The following PRKCA variants were observed in gnomAD, a reference collection of about 807,000 sequenced individuals.
PRKCA encodes the protein protein kinase C alpha type.
In PRKCA, 27 loss-of-function variants were observed where a neutral mutation model predicts 87.0. The ratio of observed to expected loss-of-function variants is 0.31; its 90% CI spans 0.23 to 0.43. PRKCA has a LOEUF of 0.43. Ranked by LOEUF, PRKCA falls within the 20% of genes least tolerant of loss-of-function variation. PRKCA has a pLI of 1.00. For synonymous variants in PRKCA, 329 were observed against 311.1 expected, an observed-to-expected ratio of 1.06 and a Z score of -0.61; for missense variants, 518 against 852.3, an observed-to-expected ratio of 0.61 and a Z score of 4.88.
At chr17:66,578,576 C>T (rs914844745) in intron 3 of PRKCA, among the ~76,000 whole-genome samples, 18 of 151,822 alleles carry the variant, frequency 1.2e-4, no homozygotes, top group Middle Eastern at 3.4e-3. Flanking sequence ...GTTTGGTTTG[C>T]ACAAACCACC....
intron 13 of PRKCA, among the ~76,000 whole-genome samples, chr17:66,756,971 G>C (rs1408788543): frequency 1.3e-5 from 2 of 152,102 alleles, no homozygotes; most frequent in Non-Finnish European, 2.9e-5. Context: ...CCATAACCAG[G>C]AATTTTTTTA....
At chr17:66,446,551 A>T (rs1441452667) in intron 2 of PRKCA, among the ~76,000 whole-genome samples, 1 of 152,184 alleles carries the variant, frequency 6.6e-6, no homozygotes, top group Non-Finnish European at 1.5e-5. Flanking sequence ...CTAAATTTAG[A>T]CAGAACCCCA....
At chr17:66,670,416 G>A (rs1972147666) in intron 5 of PRKCA, among the ~76,000 whole-genome samples, 2 of 152,218 alleles carry the variant, frequency 1.3e-5, no homozygotes, top group South Asian at 4.1e-4. Context: ...CTCACAGGGA[G>A]TAAGAACAGA....
intron 16 of PRKCA, among the ~76,000 whole-genome samples, chr17:66,800,424 C>T (rs1292682646): frequency 6.6e-6 from 1 of 152,142 alleles, no homozygotes; most frequent in African/African-American, 2.4e-5. Flanking sequence ...GGGATTTTTG[C>T]CCCATTTTAT....
At chr17:66,453,661 C>G (rs1914441377) in intron 2 of PRKCA, among the ~76,000 whole-genome samples, 1 of 152,148 alleles carries the variant, frequency 6.6e-6, no homozygotes, top group African/African-American at 2.4e-5. Flanking sequence ...CTTTGCGCCG[C>G]CCTCGTCTGC....
chr17:66,739,369 A>G (rs1974106120), intron 11 of PRKCA, among the ~76,000 whole-genome samples: 1 of 152,176 alleles, frequency 6.6e-6, no homozygotes, highest in South Asian at 2.1e-4. Flanking sequence ...ATGTTGCCAT[A>G]TCCCATCATC....
intron 2 of PRKCA, among the ~76,000 whole-genome samples, chr17:66,469,030 G>T (rs543030901): frequency 6.6e-6 from 1 of 152,290 alleles, no homozygotes; most frequent in African/African-American, 2.4e-5. Context: ...GGCATTTAAA[G>T]TCTCTGCCGG....
At chr17:66,538,603 G>A (rs956834494) in intron 3 of PRKCA, among the ~76,000 whole-genome samples, 5 of 152,204 alleles carry the variant, frequency 3.3e-5, no homozygotes, top group Non-Finnish European at 7.3e-5. Context: ...GTTGAGTGGG[G>A]TGGCTGTGTG....
intron 2 of PRKCA, among the ~76,000 whole-genome samples, chr17:66,477,426 G>A (rs149042957): frequency 6.4e-4 from 98 of 152,188 alleles, no homozygotes; most frequent in Middle Eastern, 3.4e-3. Context: ...GTGGCCGAGC[G>A]CGGTGGCTCA....
chr17:66,448,455 A>G (rs1350674874), intron 2 of PRKCA, among the ~76,000 whole-genome samples: 1 of 152,164 alleles, frequency 6.6e-6, no homozygotes, highest in African/African-American at 2.4e-5. Flanking sequence ...CGATGCCATT[A>G]AACTGCTATG....
rs576827898 is a variant in PRKCA, at chr17:66,435,753, G to T, written c.206-60448G>T. 1.3e-3 allele frequency among the ~76,000 whole-genome samples: 191 copies of T among 152,318 alleles called. 1 individual carries two copies. The highest frequency in any genetic ancestry group is 4.2e-3 in the African/African-American group (173 of 41,580). ...GATGAGCAAGCATGGAGGACTTTTT[G>T]GGGGAGGGGGGTGGTCTTAAGCTGT... On this transcript the variant is annotated intron_variant, in intron 2 of 16. Coordinates refer to ENST00000413366, the MANE Select transcript of PRKCA (RefSeq NM_002737.3).
In PRKCA at chr17:66,689,117, T is replaced by G. The variant is rs1972710580; in HGVS notation, c.918+70T>G. On this transcript the variant is annotated intron_variant, in intron 8 of 16. Transcript: ENST00000413366. This position sits in a 1 kb window ranked among gnomAD's most constrained non-coding sequence, Gnocchi z 4.1. ...CCAACTTCAGGAACGGCCGAGATGT[T>G]GTGGTCACATTTTTGAAAAGCAAAA... is the stretch of plus-strand genomic sequence containing the variant. The G allele has an allele frequency of 4.1e-6, 4 of 982,392 alleles. No individual in the cohort carries two copies. The East Asian group carries it at 1.1e-4, about 26-fold the overall frequency. 60.9% of individuals were successfully genotyped at this position (982,392 alleles called of 1,614,324 possible).
intron 5 of PRKCA, among the ~76,000 whole-genome samples, chr17:66,686,852 G>A (rs1972641908): frequency 6.6e-6 from 1 of 152,142 alleles, no homozygotes; most frequent in Non-Finnish European, 1.5e-5. Flanking sequence ...ATATCTTAGT[G>A]TTGCTGATGC....
chr17:66,669,077 G>T (rs1972110459), intron 5 of PRKCA, among the ~76,000 whole-genome samples: 1 of 150,984 alleles, frequency 6.6e-6, no homozygotes, highest in African/African-American at 2.4e-5. Flanking sequence ...ACTCCAGCCT[G>T]AGTGACATAG....
intron 5 of PRKCA, among the ~76,000 whole-genome samples, chr17:66,679,056 G>A (rs1972415778): frequency 6.6e-6 from 1 of 152,078 alleles, no homozygotes; most frequent in Admixed American, 6.6e-5. Context: ...TTCAGTCCCT[G>A]GCCTGTTGGT....
intron 2 of PRKCA, chr17:66,412,873 C>T (rs1911895895): frequency 6.6e-6 from 1 of 152,304 alleles, no homozygotes; most frequent in Non-Finnish European, 1.5e-5. Flanking sequence ...AATCCGTTCC[C>T]CAGCAGATAC....
At chr17:66,514,557 C>T (rs1306229489) in intron 3 of PRKCA, among the ~76,000 whole-genome samples, 1 of 152,126 alleles carries the variant, frequency 6.6e-6, no homozygotes, top group African/African-American at 2.4e-5. Context: ...ACAGGGCAGT[C>T]CAAAGCTGAT....
At chr17:66,725,683 G>C (rs1798439565) in intron 8 of PRKCA, among the ~76,000 whole-genome samples, 1 of 151,768 alleles carries the variant, frequency 6.6e-6, no homozygotes, top group Admixed American at 6.6e-5. Context: ...GGTGATGTAT[G>C]CTTGTAGTCC....
chr17:66,485,847 C>T (rs891228119), intron 2 of PRKCA, among the ~76,000 whole-genome samples: 1 of 152,158 alleles, frequency 6.6e-6, no homozygotes, highest in Non-Finnish European at 1.5e-5. Flanking sequence ...ACTCAAACCC[C>T]AGTTTAAGTA....
Sources: allele counts gnomAD v4.1 joint callset (sites outside exome capture counted in the v4.1 genomes callset), GRCh38; gene constraint gnomAD v4.1.1; non-coding constraint Gnocchi (gnomAD v3.1); transcripts MANE v1.5; gene names NCBI Gene and HGNC (gene_info 2026-07-23, HGNC 2026-07-21).